Variants in DPP6 observed in about 807,000 individuals in gnomAD.
The protein encoded by DPP6 is A-type potassium channel modulatory protein DPP6.
Under a neutral mutation model 122.6 loss-of-function variants are expected in DPP6, and 69 were observed. The ratio of observed to expected loss-of-function variants is 0.56; its 90% CI spans 0.46 to 0.69. The LOEUF is 0.69. Ranked by LOEUF, DPP6 falls within the 30% of genes least tolerant of loss-of-function variation. DPP6 has a pLI of 0.00. For missense variants in DPP6, 928 were observed against 1,116.9 expected, an observed-to-expected ratio of 0.83 and a Z score of 2.41; for synonymous variants, 418 against 433.1, an observed-to-expected ratio of 0.97 and a Z score of 0.43.
rs536507938 is a variant in DPP6, at chr7:154,287,759, C to T, written c.244-158455C>T. ...CAAATCCCACTTTCCCTGATTAAAC[C>T]GGAACAGGAATGTCTGGCAGAGTAG... On this transcript the variant is annotated intron_variant, in intron 1 of 25. Coordinates refer to ENST00000377770, the MANE Select transcript of DPP6 (RefSeq NM_130797.4). Among the ~76,000 whole-genome samples the T allele has an allele frequency of 8.5e-5, 13 of 152,210 alleles. No homozygotes were observed. In the South Asian group the frequency reaches 1.2e-3, roughly 15 times the overall value.
intron 1 of DPP6, among the ~76,000 whole-genome samples, chr7:154,159,938 G>A (rs965911609): frequency 5.9e-5 from 9 of 151,950 alleles, no homozygotes; most frequent in Non-Finnish European, 1.0e-4. Flanking sequence ...GGGAGATCTC[G>A]TCTCTACCAA....
At chr7:154,090,936 C>T (rs1481599109) in intron 1 of DPP6, among the ~76,000 whole-genome samples, 6 of 148,848 alleles carry the variant, frequency 4.0e-5, no homozygotes, top group Admixed American at 6.7e-5. Context: ...CTGGCTAACA[C>T]AGTGAAACCC....
At chr7:153,964,180 C>G (rs71545685) in intron 1 of DPP6, among the ~76,000 whole-genome samples, 10 of 151,864 alleles carry the variant, frequency 6.6e-5, no homozygotes, top group Non-Finnish European at 1.2e-4. Flanking sequence ...ATTTTTAGTA[C>G]AGACGGGGTT....
chr7:154,695,788 G>A (rs538540098), intron 7 of DPP6, among the ~76,000 whole-genome samples: 4 of 152,276 alleles, frequency 2.6e-5, no homozygotes, highest in South Asian at 2.1e-4. Context: ...TTGGCCCTGC[G>A]GCACGTGGCC....
chr7:154,008,708 C>A (rs1427938784), intron 1 of DPP6, among the ~76,000 whole-genome samples: 2 of 142,362 alleles, frequency 1.4e-5, no homozygotes, highest in African/African-American at 2.7e-5. Context: ...GTCGCCCAGG[C>A]TGGAGTGCAG....
At chr7:154,153,246 C>T (rs543812600) in intron 1 of DPP6, among the ~76,000 whole-genome samples, 7 of 152,266 alleles carry the variant, frequency 4.6e-5, no homozygotes, top group South Asian at 2.1e-4. Flanking sequence ...AGTGCAATGG[C>T]GGGATCTCGG....
intron 16 of DPP6, among the ~76,000 whole-genome samples, chr7:154,845,221 G>A (rs1275584710): frequency 6.6e-6 from 1 of 152,178 alleles, no homozygotes; most frequent in Admixed American, 6.5e-5. Flanking sequence ...ACATGGCTTC[G>A]TGGCCCAAGG....
chr7:154,240,860 CAG>C (rs1299154087), intron 1 of DPP6, among the ~76,000 whole-genome samples: 1 of 152,138 alleles, frequency 6.6e-6, no homozygotes, highest in Non-Finnish European at 1.5e-5. Flanking sequence ...GTAGGATAGA[CAG>C]TGAGGTTTGA....
chr7:154,556,514 A>C (rs1438651340), intron 4 of DPP6, among the ~76,000 whole-genome samples: 1 of 152,214 alleles, frequency 6.6e-6, no homozygotes, highest in Non-Finnish European at 1.5e-5. Flanking sequence ...GATGTAATGT[A>C]AGTCTCATTG....
At chr7:154,023,317 T>TGCACGC (rs3059905) in intron 1 of DPP6, among the ~76,000 whole-genome samples, 1,724 of 40,942 alleles carry the variant, frequency 0.042, 21 homozygotes, top group South Asian at 0.17. Flanking sequence ...GTTTCTTGTC[T>TGCACGC]GCACACACAC....
intron 1 of DPP6, among the ~76,000 whole-genome samples, chr7:153,929,352 A>G (rs1001087809): frequency 1.2e-4 from 18 of 152,166 alleles, no homozygotes; most frequent in Admixed American, 9.8e-4. Flanking sequence ...CAACTGGAAG[A>G]ATGCAGTTGC....
chr7:154,220,210 G>A (rs11978154), intron 1 of DPP6, among the ~76,000 whole-genome samples: 5,426 of 152,220 alleles, frequency 0.036, 318 homozygotes, highest in African/African-American at 0.12. Context: ...CATCCTTAAT[G>A]GGATTAAGCC....
chr7:153,801,453 C>T, the DPP6 span, among the ~76,000 whole-genome samples: 2 of 150,646 alleles, frequency 1.3e-5, no homozygotes, highest in African/African-American at 2.5e-5. Flanking sequence ...AGGTGTACAG[C>T]GGTAGAGGGA....
the DPP6 span, among the ~76,000 whole-genome samples, chr7:153,869,791 G>T: frequency 6.6e-6 from 1 of 152,176 alleles, no homozygotes; most frequent in African/African-American, 2.4e-5. Context: ...GCTGGTACTG[G>T]TTGTTCCTTT....
chr7:154,731,282 A>G (rs548151498), intron 8 of DPP6, among the ~76,000 whole-genome samples: 26 of 152,348 alleles, frequency 1.7e-4, no homozygotes, highest in African/African-American at 5.8e-4. Flanking sequence ...CTAAGAAGAT[A>G]AGCTGTGTAC....
At chr7:154,609,850 C>T (rs1833797602) in intron 5 of DPP6, among the ~76,000 whole-genome samples, 1 of 152,126 alleles carries the variant, frequency 6.6e-6, no homozygotes, top group Non-Finnish European at 1.5e-5. Context: ...TATAATATGC[C>T]TTTTCTGGAA....
At chr7:154,195,026 A>G (rs111950784) in intron 1 of DPP6, among the ~76,000 whole-genome samples, 17 of 152,232 alleles carry the variant, frequency 1.1e-4, no homozygotes, top group Non-Finnish European at 1.8e-4. Flanking sequence ...TCTCTTATAG[A>G]TTATGCTTTT....
intron 1 of DPP6, among the ~76,000 whole-genome samples, chr7:153,948,204 T>A (rs556089356): frequency 7.9e-5 from 12 of 152,340 alleles, no homozygotes. Flanking sequence ...TATTTACTTT[T>A]AAAAAATAAA....
intron 1 of DPP6, among the ~76,000 whole-genome samples, chr7:154,128,961 A>G (rs1297424595): frequency 6.6e-6 from 1 of 152,040 alleles, no homozygotes; most frequent in Non-Finnish European, 1.5e-5. Context: ...CCTGGGCAGA[A>G]AAGGGAATGG....
Sources: allele counts gnomAD v4.1 joint callset (sites outside exome capture counted in the v4.1 genomes callset), GRCh38; gene constraint gnomAD v4.1.1; transcripts MANE v1.5; gene names NCBI Gene and HGNC (gene_info 2026-07-23, HGNC 2026-07-21).